The following DAB1 variants were observed in gnomAD, a reference collection of about 807,000 sequenced individuals.
The protein encoded by DAB1 is DAB adaptor protein 1, also known as disabled homolog 1.
DAB1 carries 15 observed loss-of-function variants against 64.6 expected under a neutral mutation model. The ratio of observed to expected loss-of-function variants is 0.23; its 90% CI spans 0.16 to 0.36. DAB1 has a LOEUF of 0.36. Ranked by LOEUF, DAB1 falls within the 10% of genes least tolerant of loss-of-function variation. The probability of loss-of-function intolerance (pLI) is 1.00; values close to 1 mark genes in which losing one functional copy is unlikely to be tolerated. For missense variants in DAB1, 596 were observed against 706.7 expected, an observed-to-expected ratio of 0.84 and a Z score of 1.78; for synonymous variants, 235 against 251.9, an observed-to-expected ratio of 0.93 and a Z score of 0.64.
chr1:58,384,340 T>C (rs991171397), intron 3 of DAB1, among the ~76,000 whole-genome samples: 2 of 152,202 alleles, frequency 1.3e-5, no homozygotes, highest in African/African-American at 2.4e-5. Context: ...AATAGTCATG[T>C]TGAAGTAGAC....
At chr1:57,789,666 A>G (rs1650502655) in intron 6 of DAB1, among the ~76,000 whole-genome samples, 2 of 152,212 alleles carry the variant, frequency 1.3e-5, no homozygotes, top group African/African-American at 4.8e-5. Context: ...TAAAGGCCCC[A>G]TCTCCAAATA....
At position 57,423,938 on chromosome 1, in the gene DAB1, G is replaced by C. The variant is rs1469124669; in HGVS notation, c.-145C>G. On this transcript the variant is annotated 5_prime_UTR_variant, in exon 1 of 15. Transcript: ENST00000371236. ...CCCCCGCCGCGCCTCACCTCGCCTA[G>C]CCCAGAGCATCCTCCTCCGCTGCCG... is the stretch of plus-strand genomic sequence containing the variant. 2 of 152,104 alleles carry C rather than the reference G, an allele frequency of 1.3e-5. No individual in the cohort carries two copies. Among genetic ancestry groups the C allele is most frequent in the African/African-American group, 4.8e-5 (2 of 41,364 alleles). The allele number at this position is 152,104 out of a possible 1,614,324, so 9.4% of individuals were successfully genotyped here.
At chr1:57,773,575 T>A (rs1649661502) in intron 6 of DAB1, among the ~76,000 whole-genome samples, 1 of 152,048 alleles carries the variant, frequency 6.6e-6, no homozygotes, top group Admixed American at 6.6e-5. Context: ...GAGAAATACG[T>A]ATCTACCCCA....
At chr1:57,438,487 G>C (rs1337205444) in intron 7 of DAB1, among the ~76,000 whole-genome samples, 2 of 152,084 alleles carry the variant, frequency 1.3e-5, no homozygotes. Flanking sequence ...GAACAAAAGA[G>C]CATCTGGTCA....
At chr1:57,219,768 C>T (rs1371025174) in intron 2 of DAB1, among the ~76,000 whole-genome samples, 6 of 152,108 alleles carry the variant, frequency 3.9e-5, no homozygotes, top group Non-Finnish European at 5.9e-5. Context: ...CCTGCAACCA[C>T]AAGAACTAAA....
chr1:58,274,291 G>T (rs2100431378), intron 4 of DAB1, among the ~76,000 whole-genome samples: 1 of 116,006 alleles, frequency 8.6e-6, no homozygotes, highest in Non-Finnish European at 1.8e-5. Context: ...TGCCCCTGCT[G>T]GGGGGTGCCT....
At position 57,085,016 on chromosome 1, in the gene DAB1, G is replaced by T. The variant is rs75423512; in HGVS notation, c.307-12602C>A. On this transcript the variant is annotated intron_variant, in intron 4 of 14. Transcript: ENST00000371236. Reference sequence around the variant, plus strand: ...CCAAATCGCCCCCTTTTGTGAAAATGCACCAAACACCGTTCTGTAGCCATC... The same window carrying T: ...CCAAATCGCCCCCTTTTGTGAAAATTCACCAAACACCGTTCTGTAGCCATC... Among the ~76,000 whole-genome samples, 711 of 152,278 alleles carry T rather than the reference G, an allele frequency of 4.7e-3. 20 individuals carry two copies. The highest frequency in any genetic ancestry group is 4.1e-3 in the East Asian group (21 of 5,178).
intron 5 of DAB1, among the ~76,000 whole-genome samples, chr1:58,044,050 T>C (rs1187834178): frequency 6.6e-6 from 1 of 152,216 alleles, no homozygotes; most frequent in Non-Finnish European, 1.5e-5. Context: ...TATAGCATTG[T>C]AGATGTGTCA....
At chr1:58,320,957 T>C (rs993272346) in intron 4 of DAB1, among the ~76,000 whole-genome samples, 1 of 152,190 alleles carries the variant, frequency 6.6e-6, no homozygotes, top group East Asian at 1.9e-4. Context: ...TTGGCAGTGA[T>C]TGAACCTACT....
chr1:58,221,909 A>G (rs969776004), intron 4 of DAB1, among the ~76,000 whole-genome samples: 3 of 152,242 alleles, frequency 2.0e-5, no homozygotes, highest in Admixed American at 1.3e-4. Flanking sequence ...CCATAGTCCT[A>G]TAATTCAGAT....
intron 6 of DAB1, among the ~76,000 whole-genome samples, chr1:57,718,104 C>G (rs1647106434): frequency 6.6e-6 from 1 of 152,004 alleles, no homozygotes; most frequent in East Asian, 1.9e-4. Context: ...AGAGTGACTA[C>G]AACTAATAAC....
At chr1:57,447,443 C>T (rs1438860286) in intron 7 of DAB1, among the ~76,000 whole-genome samples, 2 of 152,158 alleles carry the variant, frequency 1.3e-5, no homozygotes, top group African/African-American at 4.8e-5. Context: ...GTGGCTACTG[C>T]CCACATGAGA....
At chr1:57,927,428 G>A (rs1018979403) in intron 5 of DAB1, among the ~76,000 whole-genome samples, 1 of 151,986 alleles carries the variant, frequency 6.6e-6, no homozygotes, top group Non-Finnish European at 1.5e-5. Flanking sequence ...GAGCTTCTAG[G>A]GAAATCCAAG....
intron 5 of DAB1, among the ~76,000 whole-genome samples, chr1:58,070,629 G>A (rs1024762249): frequency 1.6e-4 from 24 of 152,330 alleles, no homozygotes; most frequent in African/African-American, 5.8e-4. Context: ...TGGAGGCAAA[G>A]GAGGATGAAG....
At chr1:58,456,118 T>C (rs184241195) in intron 3 of DAB1, among the ~76,000 whole-genome samples, 249 of 152,380 alleles carry the variant, frequency 1.6e-3, no homozygotes, top group Non-Finnish European at 1.9e-3. Flanking sequence ...CTACGCTCAA[T>C]ACTTGGAATC....
chr1:57,699,126 A>G (rs1400580272), intron 6 of DAB1, among the ~76,000 whole-genome samples: 2 of 152,122 alleles, frequency 1.3e-5, no homozygotes, highest in Admixed American at 1.3e-4. Flanking sequence ...TTCTTAGTAG[A>G]CACGGGGTAT....
chr1:57,292,020 G>C (rs662134), intron 1 of DAB1, among the ~76,000 whole-genome samples: 1 of 152,104 alleles, frequency 6.6e-6, no homozygotes, highest in African/African-American at 2.4e-5. Context: ...GTGACTATCT[G>C]ATAGTTATAT....
chr1:58,322,393 G>GGA (rs1553175071), intron 4 of DAB1, among the ~76,000 whole-genome samples: 1 of 151,708 alleles, frequency 6.6e-6, no homozygotes, highest in African/African-American at 2.4e-5. Flanking sequence ...AAATTTACAA[G>GGA]AAAAAAACAA....
At chr1:58,368,325 G>A (rs78082480) in intron 3 of DAB1, among the ~76,000 whole-genome samples, 14,039 of 152,106 alleles carry the variant, frequency 0.092, 746 homozygotes, top group East Asian at 0.22. Flanking sequence ...AAATTGCAGC[G>A]ACCCCAGCCT....
Sources: allele counts gnomAD v4.1 joint callset (sites outside exome capture counted in the v4.1 genomes callset), GRCh38; gene constraint gnomAD v4.1.1; transcripts MANE v1.5; gene names NCBI Gene and HGNC (gene_info 2026-07-23, HGNC 2026-07-21).